The following MARCHF1 variants were observed in gnomAD, a reference collection of about 807,000 sequenced individuals.
MARCHF1 encodes the protein membrane associated ring-CH-type finger 1.
A neutral mutation model predicts 54.2 loss-of-function variants in MARCHF1; 40 were observed. The observed-to-expected ratio is 0.74, with a 90% CI of 0.57 to 0.96. The LOEUF is 0.96. Among genes scored for constraint, MARCHF1 ranks in the 40% least tolerant of loss-of-function variants. The probability of loss-of-function intolerance (pLI) is 0.00; values close to 1 mark genes in which losing one functional copy is unlikely to be tolerated. For synonymous variants in MARCHF1, 236 were observed against 236.3 expected, an observed-to-expected ratio of 1.00 and a Z score of 0.01; for missense variants, 586 against 656.5, an observed-to-expected ratio of 0.89 and a Z score of 1.17.
intron 7 of MARCHF1, among the ~76,000 whole-genome samples, chr4:163,587,093 A>G (rs1740436204): frequency 6.6e-6 from 1 of 152,242 alleles, no homozygotes; most frequent in Non-Finnish European, 1.5e-5. Flanking sequence ...CTGAACTACT[A>G]TGAATTCTAG....
At chr4:163,759,329 C>A (rs1031008203) in intron 4 of MARCHF1, among the ~76,000 whole-genome samples, 1 of 151,906 alleles carries the variant, frequency 6.6e-6, no homozygotes, top group Non-Finnish European at 1.5e-5. Flanking sequence ...CTTAATCTTC[C>A]AAAAGGTACA....
intron 3 of MARCHF1, among the ~76,000 whole-genome samples, chr4:163,886,487 A>C (rs1750542224): frequency 6.6e-6 from 1 of 152,086 alleles, no homozygotes; most frequent in Non-Finnish European, 1.5e-5. Context: ...AGCTTGTAAA[A>C]AAAATACTGG....
chr4:163,627,669 G>T (rs1741918629), intron 5 of MARCHF1, among the ~76,000 whole-genome samples: 1 of 146,008 alleles, frequency 6.8e-6, no homozygotes, highest in South Asian at 2.2e-4. Flanking sequence ...TTTAAAAAGA[G>T]TAGTCTATAG....
chr4:164,141,881 G>A (rs1013442307), intron 1 of MARCHF1, among the ~76,000 whole-genome samples: 4 of 152,276 alleles, frequency 2.6e-5, no homozygotes, highest in Admixed American at 6.5e-5. Context: ...GCAGAAGACC[G>A]GTGATTTCTG....
chr4:163,590,648 G>A (rs1740560969), intron 7 of MARCHF1, among the ~76,000 whole-genome samples: 1 of 151,920 alleles, frequency 6.6e-6, no homozygotes, highest in South Asian at 2.1e-4. Flanking sequence ...ACCTATTCAG[G>A]CATATTTTCC....
chr4:164,241,585 C>G (rs937874205), intron 1 of MARCHF1, among the ~76,000 whole-genome samples: 3 of 152,124 alleles, frequency 2.0e-5, no homozygotes, highest in Admixed American at 2.0e-4. Context: ...GAAAGCAGAA[C>G]AGAGACATAT....
rs1191008647 is a variant in MARCHF1, at chr4:164,211,350, TATATACC to T, written c.-322-99695_-322-99689del. 1.4e-4 allele frequency among the ~76,000 whole-genome samples: 17 copies of T among 117,802 alleles called. 1 individual carries two copies. The highest frequency in any genetic ancestry group is 6.2e-4 in the Admixed American group (8 of 12,858). 77.3% of individuals were successfully genotyped at this position (117,802 alleles called of 152,430 possible). A position where few individuals can be genotyped will look rare whatever the true frequency, so the allele number is the denominator to read the frequency against. On this transcript the variant is annotated intron_variant, in intron 1 of 9. Transcript: ENST00000514618. ...ATGTATGTATATATATATATATATA[TATATACC>T]ACATTGCAACCTGCATATTTGTATA...
intron 2 of MARCHF1, among the ~76,000 whole-genome samples, chr4:163,994,236 G>C (rs879174149): frequency 6.7e-6 from 1 of 149,356 alleles, no homozygotes; most frequent in Non-Finnish European, 1.5e-5. Flanking sequence ...CACTCTTATC[G>C]CTGAAGAATG....
intron 2 of MARCHF1, among the ~76,000 whole-genome samples, chr4:164,075,515 T>C (rs1261548417): frequency 6.6e-6 from 1 of 152,198 alleles, no homozygotes; most frequent in Non-Finnish European, 1.5e-5. Context: ...CAGCATCATG[T>C]CAGCTGAGGC....
chr4:164,128,581 C>A (rs1316770263), intron 1 of MARCHF1, among the ~76,000 whole-genome samples: 2 of 151,968 alleles, frequency 1.3e-5, no homozygotes, highest in African/African-American at 4.8e-5. Flanking sequence ...TATTTCTCAT[C>A]TATCAGGTTG....
At chr4:164,159,216 G>C (rs1048555637) in intron 1 of MARCHF1, among the ~76,000 whole-genome samples, 1 of 152,122 alleles carries the variant, frequency 6.6e-6, no homozygotes, top group African/African-American at 2.4e-5. Context: ...ATGCTAAAAC[G>C]TGCTAACTTG....
chr4:163,581,673 C>T (rs77550374), intron 8 of MARCHF1, among the ~76,000 whole-genome samples: 5,786 of 152,246 alleles, frequency 0.038, 240 homozygotes, highest in South Asian at 0.1. Flanking sequence ...GACAGTTCTT[C>T]ATTTCTAAAA....
chr4:163,556,064 T>A, intron 8 of MARCHF1: 1 of 443,166 alleles, frequency 2.3e-6, no homozygotes, highest in South Asian at 1.6e-5. Flanking sequence ...GAGCACTGAG[T>A]TGACTTACCC....
chr4:163,801,727 T>C (rs558588703), intron 4 of MARCHF1, among the ~76,000 whole-genome samples: 1 of 152,132 alleles, frequency 6.6e-6, no homozygotes, highest in Admixed American at 6.6e-5. Flanking sequence ...TCCATCACCT[T>C]CCGTTAATTT....
intron 1 of MARCHF1, among the ~76,000 whole-genome samples, chr4:164,202,732 A>G (rs1181580297): frequency 1.3e-5 from 2 of 152,146 alleles, no homozygotes; most frequent in Admixed American, 1.3e-4. Flanking sequence ...TATCTACACA[A>G]TGGTAGTCAT....
chr4:164,198,804 A>G (rs1731357406), intron 1 of MARCHF1, among the ~76,000 whole-genome samples: 1 of 152,220 alleles, frequency 6.6e-6, no homozygotes, highest in South Asian at 2.1e-4. Context: ...ACTATGTCCC[A>G]TAAGCAAAAG....
intron 3 of MARCHF1, among the ~76,000 whole-genome samples, chr4:163,878,904 A>G (rs1318863197): frequency 6.6e-6 from 1 of 152,192 alleles, no homozygotes; most frequent in Non-Finnish European, 1.5e-5. Flanking sequence ...GTTCAGGACT[A>G]GGCCTGGATA....
intron 8 of MARCHF1, among the ~76,000 whole-genome samples, chr4:163,573,170 A>G (rs1739897622): frequency 6.6e-6 from 1 of 151,976 alleles, no homozygotes; most frequent in African/African-American, 2.4e-5. Context: ...CTGACACTTT[A>G]CTGAAGTTGT....
intron 1 of MARCHF1, among the ~76,000 whole-genome samples, chr4:164,324,572 T>G (rs1227224300): frequency 6.6e-6 from 1 of 151,520 alleles, no homozygotes; most frequent in Non-Finnish European, 1.5e-5. Flanking sequence ...AATAAAGTTC[T>G]GAATGAAAGA....
Sources: allele counts gnomAD v4.1 joint callset (sites outside exome capture counted in the v4.1 genomes callset), GRCh38; gene constraint gnomAD v4.1.1; transcripts MANE v1.5; gene names NCBI Gene and HGNC (gene_info 2026-07-23, HGNC 2026-07-21).